Variants in KCTD10 observed in about 807,000 individuals in gnomAD.
KCTD10 encodes the protein potassium channel tetramerization domain containing 10, also known as BTB/POZ domain-containing adapter for CUL3-mediated RhoA degradation protein 3.
In KCTD10, 13 loss-of-function variants were observed where a neutral mutation model predicts 34.6. That is an observed-to-expected ratio of 0.38 (90% CI 0.24 to 0.60). The LOEUF (loss-of-function observed/expected upper bound fraction) is 0.60. KCTD10 is among the 20% of genes least tolerant of loss of function. The pLI is 0.66. For missense variants in KCTD10, 256 were observed against 420.3 expected (o/e 0.61, Z 3.42); for synonymous variants, 156 against 168.8 (o/e 0.92, Z 0.59).
intron 5 of KCTD10, chr12:109,456,519 T>C: frequency 1.7e-6 from 1 of 596,540 alleles, no homozygotes. Context: ...TGCTCAAGGC[T>C]GAACCTAATA....
chr12:109,475,457 C>T (rs185197165), intron 1 of KCTD10, among the ~76,000 whole-genome samples: 158 of 152,244 alleles, frequency 1.0e-3, no homozygotes, highest in African/African-American at 3.4e-3. Flanking sequence ...CCAGCCTGGG[C>T]GACAGAGCAA....
At chr12:109,468,597 T>C (rs986609970) in intron 2 of KCTD10, among the ~76,000 whole-genome samples, 2 of 151,594 alleles carry the variant, frequency 1.3e-5, no homozygotes, top group Non-Finnish European at 2.9e-5. Flanking sequence ...GGCTCTTTGA[T>C]CATTCCAGGT....
intron 2 of KCTD10, 113 bp downstream of exon 2, chr12:109,469,402 C>A: frequency 7.7e-7 from 1 of 1,292,706 alleles, no homozygotes; most frequent in South Asian, 1.5e-5. Context: ...GAGTCCCCAA[C>A]AAGCTGCCTC....
chr12:109,458,232 G>A, intron 3 of KCTD10, 154 bp from the exon 4 acceptor site: 1 of 614,992 alleles, frequency 1.6e-6, no homozygotes, highest in African/African-American at 1.8e-5. Flanking sequence ...GATGGGGGAA[G>A]ACAGGGAGTT....
At chr12:109,465,981 T>C (rs1873565164) in intron 2 of KCTD10, among the ~76,000 whole-genome samples, 2 of 152,128 alleles carry the variant, frequency 1.3e-5, no homozygotes, top group African/African-American at 2.4e-5. Context: ...TACAGGCAAA[T>C]GCTGAACAGA....
chr12:109,471,318 A>C, intron 1 of KCTD10: 2 of 985,192 alleles, frequency 2.0e-6, no homozygotes, highest in Non-Finnish European at 2.4e-6. Context: ...CTTCTGGCCA[A>C]CTCTCCCCAA....
At chr12:109,468,484 C>A (rs1446697916) in intron 2 of KCTD10, among the ~76,000 whole-genome samples, 2 of 152,134 alleles carry the variant, frequency 1.3e-5, no homozygotes, top group Non-Finnish European at 2.9e-5. Context: ...CTGGCCTGGT[C>A]TTAAGCAATC....
intron 1 of KCTD10, 21 bp downstream of exon 1, chr12:109,477,239 C>T: frequency 1.2e-6 from 2 of 1,613,816 alleles, no homozygotes; most frequent in Non-Finnish European, 1.7e-6. Context: ...ACCCCTAGTC[C>T]ATGGGCACCG....
intron 6 of KCTD10, among the ~76,000 whole-genome samples, chr12:109,453,536 C>T (rs1328695950): frequency 1.3e-5 from 2 of 152,138 alleles, no homozygotes; most frequent in African/African-American, 4.8e-5. Flanking sequence ...ATTCCTGTGG[C>T]AGCAACCAGA....
At chr12:109,463,353 G>A (rs1873432873) in intron 2 of KCTD10, among the ~76,000 whole-genome samples, 1 of 152,208 alleles carries the variant, frequency 6.6e-6, no homozygotes, top group South Asian at 2.1e-4. Flanking sequence ...GGACAAATAA[G>A]GGCAAGGGAG....
At chr12:109,466,737 T>C (rs1039222667) in intron 2 of KCTD10, among the ~76,000 whole-genome samples, 6 of 152,250 alleles carry the variant, frequency 3.9e-5, no homozygotes, top group Non-Finnish European at 8.8e-5. Flanking sequence ...ACACATCCCC[T>C]GTTCAGGACC....
intron 1 of KCTD10, chr12:109,470,691 C>A: frequency 1.4e-6 from 1 of 691,102 alleles, no homozygotes; most frequent in Non-Finnish European, 1.8e-6. Flanking sequence ...CCACTCTGTG[C>A]CCTTGCGACA....
intron 2 of KCTD10, among the ~76,000 whole-genome samples, chr12:109,467,742 CTG>C (rs1253851901): frequency 6.6e-6 from 1 of 152,124 alleles, no homozygotes; most frequent in Non-Finnish European, 1.5e-5. Flanking sequence ...CAAAATGACA[CTG>C]TGTCCCCCGA....
In KCTD10 at chr12:109,459,341, G is replaced by C. The variant is rs1458058517; in HGVS notation, c.388-1263C>G. The C allele has an allele frequency of 1.1e-4, 16 of 152,258 alleles. No homozygotes were observed. The East Asian group carries it at 3.1e-3, about 29-fold the overall frequency. The allele number at this position is 152,258 out of a possible 1,614,324, so 9.4% of individuals were successfully genotyped here. On this transcript the variant is annotated intron_variant, in intron 3 of 6. Coordinates refer to ENST00000228495, the MANE Select transcript of KCTD10 (RefSeq NM_031954.5). Reference sequence around the variant, plus strand: ...CTGGAGGTCTAACCTTAGACTAACAGAAACGAGACCCAGGGGCATGTCTCC... The same window carrying C: ...CTGGAGGTCTAACCTTAGACTAACACAAACGAGACCCAGGGGCATGTCTCC...
At chr12:109,461,828 G>A (rs967613271) in intron 2 of KCTD10, among the ~76,000 whole-genome samples, 1 of 152,238 alleles carries the variant, frequency 6.6e-6, no homozygotes, top group African/African-American at 2.4e-5. Flanking sequence ...GGCAAGGGGC[G>A]TCCCCACGGC....
At chr12:109,463,606 G>T (rs1566055994) in intron 2 of KCTD10, among the ~76,000 whole-genome samples, 4 of 152,176 alleles carry the variant, frequency 2.6e-5, no homozygotes, top group Admixed American at 2.0e-4. Context: ...CATTAGGCAA[G>T]GCTGGAGAGC....
intron 1 of KCTD10, among the ~76,000 whole-genome samples, chr12:109,473,297 A>C (rs1242172283): frequency 6.6e-6 from 1 of 152,138 alleles, no homozygotes; most frequent in Non-Finnish European, 1.5e-5. Flanking sequence ...CGCGAGGTAA[A>C]GTGTGGCTAA....
intron 2 of KCTD10, among the ~76,000 whole-genome samples, chr12:109,468,884 C>A (rs915887800): frequency 6.6e-5 from 10 of 152,044 alleles, no homozygotes; most frequent in Admixed American, 5.9e-4. Flanking sequence ...GATCTCCTGA[C>A]CTCGTGATCC....
chr12:109,457,029 G>A (rs1402342987), intron 5 of KCTD10: 1 of 154,612 alleles, frequency 6.5e-6, no homozygotes. Context: ...CTGATGAATG[G>A]GTAAAGAAAA....
Sources: gnomAD v4.1 joint callset for allele counts (sites outside exome capture counted in the v4.1 genomes callset) on GRCh38, gnomAD v4.1.1 for gene constraint, MANE v1.5 for transcripts, NCBI Gene and HGNC (gene_info 2026-07-23, HGNC 2026-07-21) for gene names.